Variants in MACROD2 observed in about 807,000 individuals in gnomAD.
MACROD2 encodes mono-ADP ribosylhydrolase 2.
Under a neutral mutation model 70.4 loss-of-function variants are expected in MACROD2, and 36 were observed. The ratio of observed to expected loss-of-function variants is 0.51; its 90% CI spans 0.39 to 0.68. MACROD2 has a LOEUF of 0.68. MACROD2 is among the 30% of genes least tolerant of loss of function. The pLI is 0.00. For synonymous variants in MACROD2, 172 were observed against 178.8 expected, an observed-to-expected ratio of 0.96 and a Z score of 0.30; for missense variants, 496 against 538.4, an observed-to-expected ratio of 0.92 and a Z score of 0.78.
At chr20:14,137,345 A>G (rs2054812497) in intron 3 of MACROD2, among the ~76,000 whole-genome samples, 1 of 152,234 alleles carries the variant, frequency 6.6e-6, no homozygotes, top group South Asian at 2.1e-4. Context: ...TTTACTATCC[A>G]TTAAATGGAA....
intron 8 of MACROD2, among the ~76,000 whole-genome samples, chr20:15,505,102 A>G (rs1356354371): frequency 1.3e-5 from 2 of 151,934 alleles, no homozygotes; most frequent in Admixed American, 6.6e-5. Flanking sequence ...CAATGCACAT[A>G]TTTGCCATTT....
chr20:14,095,251 T>G (rs1451376797), intron 3 of MACROD2, among the ~76,000 whole-genome samples: 1 of 151,694 alleles, frequency 6.6e-6, no homozygotes, highest in Non-Finnish European at 1.5e-5. Context: ...CAAAATGAAA[T>G]CACAAAATTA....
rs559786912 is a variant in MACROD2 at position 15,897,469 on chromosome 20, C to T, written c.775+11658C>T. On this transcript the variant is annotated intron_variant, in intron 10 of 17. Transcript: ENST00000684519. ...TTTCATTAGTTCTGAAAAATTCTCA[C>T]GTATCACTGCACCAAATATAACTTC... 2.2e-3 allele frequency among the ~76,000 whole-genome samples: 332 copies of T among 152,210 alleles called. 1 individual carries two copies. The highest frequency in any genetic ancestry group is 7.6e-3 in the African/African-American group (314 of 41,554).
chr20:14,238,221 C>A (rs1340456913), intron 3 of MACROD2, among the ~76,000 whole-genome samples: 1 of 152,004 alleles, frequency 6.6e-6, no homozygotes, highest in East Asian at 1.9e-4. Context: ...GGCTGTATCC[C>A]TGGGATGCAA....
intron 8 of MACROD2, among the ~76,000 whole-genome samples, chr20:15,772,369 G>A (rs1449713948): frequency 6.6e-6 from 1 of 151,772 alleles, no homozygotes; most frequent in Non-Finnish European, 1.5e-5. Context: ...GAGAAAACTG[G>A]GGCTCAGAAA....
At chr20:15,978,666 T>A (rs2066350127) in intron 13 of MACROD2, among the ~76,000 whole-genome samples, 1 of 151,892 alleles carries the variant, frequency 6.6e-6, no homozygotes, top group Non-Finnish European at 1.5e-5. Context: ...TGGGGAAGAA[T>A]GAGGATGAAT....
intron 3 of MACROD2, among the ~76,000 whole-genome samples, chr20:14,245,280 G>A (rs949470154): frequency 9.9e-5 from 15 of 151,464 alleles, no homozygotes; most frequent in African/African-American, 1.7e-4. Context: ...GGAGAATGGC[G>A]TGAACCTGGG....
chr20:15,638,618 A>G (rs543395953), intron 8 of MACROD2, among the ~76,000 whole-genome samples: 4 of 152,214 alleles, frequency 2.6e-5, no homozygotes. Context: ...TAGGAACTTA[A>G]TTAAGTTCCT....
intron 3 of MACROD2, among the ~76,000 whole-genome samples, chr20:14,379,415 G>GT (rs1327083101): frequency 6.6e-6 from 1 of 152,056 alleles, no homozygotes; most frequent in Non-Finnish European, 1.5e-5. Context: ...AATTCGATGG[G>GT]TTTTTGTTCA....
chr20:15,022,088 C>A (rs2122969217), intron 5 of MACROD2, among the ~76,000 whole-genome samples: 1 of 152,288 alleles, frequency 6.6e-6, no homozygotes, highest in South Asian at 2.1e-4. Flanking sequence ...GCAGGAATAA[C>A]TGTTGCATTA....
At chr20:14,667,572 A>G (rs1389553361) in intron 4 of MACROD2, among the ~76,000 whole-genome samples, 6 of 152,194 alleles carry the variant, frequency 3.9e-5, no homozygotes, top group Admixed American at 6.5e-5. Context: ...TGTGTTAAAT[A>G]TAGGGCTCCT....
chr20:15,295,638 C>T (rs2077580317), intron 6 of MACROD2, among the ~76,000 whole-genome samples: 1 of 151,536 alleles, frequency 6.6e-6, no homozygotes, highest in Non-Finnish European at 1.5e-5. Context: ...CATGCACACA[C>T]CCCAGACCTT....
intron 5 of MACROD2, among the ~76,000 whole-genome samples, chr20:14,857,518 G>A (rs1372636536): frequency 6.6e-6 from 1 of 152,164 alleles, no homozygotes; most frequent in African/African-American, 2.4e-5. Flanking sequence ...AATTTCTATA[G>A]TTGAAGTTCT....
At chr20:15,228,948 CA>C (rs2076935885) in intron 5 of MACROD2, among the ~76,000 whole-genome samples, 1 of 152,080 alleles carries the variant, frequency 6.6e-6, no homozygotes, top group African/African-American at 2.4e-5. Context: ...TATAATACTC[CA>C]ATTACATTAG....
chr20:14,109,025 A>C (rs1209893058), intron 3 of MACROD2, among the ~76,000 whole-genome samples: 2 of 152,094 alleles, frequency 1.3e-5, no homozygotes, highest in Non-Finnish European at 2.9e-5. Context: ...TCACAAAACA[A>C]GTCTTAAAAC....
intron 2 of MACROD2, among the ~76,000 whole-genome samples, chr20:14,070,451 T>C (rs534071536): frequency 2.6e-5 from 4 of 152,310 alleles, no homozygotes; most frequent in Admixed American, 6.5e-5. Context: ...TCTAGTTCCC[T>C]GATTGTATAT....
intron 5 of MACROD2, among the ~76,000 whole-genome samples, chr20:14,871,404 T>G (rs2073487028): frequency 6.6e-6 from 1 of 152,130 alleles, no homozygotes; most frequent in Admixed American, 6.6e-5. Context: ...ACCCAGGATT[T>G]CATATATGGC....
intron 6 of MACROD2, among the ~76,000 whole-genome samples, chr20:15,430,405 C>T (rs1023447535): frequency 6.6e-6 from 1 of 152,052 alleles, no homozygotes; most frequent in African/African-American, 2.4e-5. Flanking sequence ...TACATTCCCA[C>T]CAATAGTCCA....
At chr20:15,296,014 G>A (rs1226394620) in intron 6 of MACROD2, among the ~76,000 whole-genome samples, 1 of 152,108 alleles carries the variant, frequency 6.6e-6, no homozygotes, top group Non-Finnish European at 1.5e-5. Context: ...TTGTCTCCTG[G>A]CAGTCAGCTC....
Sources: gnomAD v4.1 joint callset for allele counts (sites outside exome capture counted in the v4.1 genomes callset) on GRCh38, gnomAD v4.1.1 for gene constraint, MANE v1.5 for transcripts, NCBI Gene and HGNC (gene_info 2026-07-23, HGNC 2026-07-21) for gene names.